The following PLXNA4 variants were observed in gnomAD, a reference collection of about 807,000 sequenced individuals.
The protein encoded by PLXNA4 is plexin A4, also known as plexin-A4.
In PLXNA4, 44 loss-of-function variants were observed where a neutral mutation model predicts 191.8. The ratio of observed to expected loss-of-function variants is 0.23; its 90% CI spans 0.18 to 0.29. PLXNA4 has a LOEUF of 0.29. PLXNA4 is among the 10% of genes least tolerant of loss of function. PLXNA4 has a pLI of 1.00. For synonymous variants in PLXNA4, 1,082 were observed against 1,009.5 expected (o/e 1.07, Z -1.36); for missense variants, 1,800 against 2,488.8 (o/e 0.72, Z 5.89).
chr7:132,408,124 A>G (rs1366739526), intron 3 of PLXNA4, among the ~76,000 whole-genome samples: 2 of 152,198 alleles, frequency 1.3e-5, no homozygotes, highest in African/African-American at 4.8e-5. Flanking sequence ...AATATAAAAC[A>G]GTAGGAGAGT....
chr7:132,236,186 T>C (rs1798694487), intron 5 of PLXNA4, among the ~76,000 whole-genome samples: 2 of 152,200 alleles, frequency 1.3e-5, no homozygotes, highest in Admixed American at 6.5e-5. Flanking sequence ...AAACAGCCCA[T>C]TCAGCCACAT....
At chr7:132,561,999 GCCTCCTCCTCCTACT>G (rs1801155770) in intron 1 of PLXNA4, among the ~76,000 whole-genome samples, 1 of 50,920 alleles carries the variant, frequency 2.0e-5, no homozygotes. Context: ...TTCTTTCTCT[GCCTCCTCCTCCTACT>G]CCTCCTCCTC....
At chr7:132,135,675 T>A (rs1795090986) in intron 30 of PLXNA4, among the ~76,000 whole-genome samples, 1 of 152,156 alleles carries the variant, frequency 6.6e-6, no homozygotes, top group African/African-American at 2.4e-5. Context: ...TATGTGTGTG[T>A]GAGAAAGACA....
chr7:132,380,295 G>A (rs1252931887), intron 3 of PLXNA4, among the ~76,000 whole-genome samples: 1 of 152,142 alleles, frequency 6.6e-6, no homozygotes, highest in Non-Finnish European at 1.5e-5. Context: ...GCAGCACCAG[G>A]CCCTGGTGGT....
chr7:132,269,653 C>CA (rs1018453853), intron 4 of PLXNA4, among the ~76,000 whole-genome samples: 2 of 150,898 alleles, frequency 1.3e-5, no homozygotes, highest in African/African-American at 4.9e-5. Flanking sequence ...TTTTTTCTGC[C>CA]AAAAAAAGAT....
intron 3 of PLXNA4, among the ~76,000 whole-genome samples, chr7:132,349,960 G>A (rs998376349): frequency 6.6e-6 from 1 of 151,958 alleles, no homozygotes; most frequent in Non-Finnish European, 1.5e-5. Flanking sequence ...CAAAAATGGA[G>A]GCATACACAT....
At chr7:132,191,771 C>CCTCTCTCTCTCTCTCTCTCTCTCTCTCT (rs1562910874) in intron 14 of PLXNA4, among the ~76,000 whole-genome samples, 4 of 40,746 alleles carry the variant, frequency 9.8e-5, no homozygotes, top group African/African-American at 3.8e-4. Context: ...CTCCTCTCTC[C>CCTCTCTCTCTCTCTCTCTCTCTCTCTCT]ATCTCTCTCT....
chr7:132,610,742 T>C (rs1238606901), intron 2 of PLXNA4, among the ~76,000 whole-genome samples: 1 of 152,198 alleles, frequency 6.6e-6, no homozygotes, highest in African/African-American at 2.4e-5. Context: ...TCCTTTCCAT[T>C]CATTTGCCTA....
At chr7:132,284,970 C>T (rs1358881963) in intron 4 of PLXNA4, among the ~76,000 whole-genome samples, 1 of 152,126 alleles carries the variant, frequency 6.6e-6, no homozygotes, top group Non-Finnish European at 1.5e-5. Flanking sequence ...CCACCTCAGC[C>T]TCCCAAAGTG....
rs747385813 is a variant in PLXNA4 at position 132,393,190 on chromosome 7, AC to A, written c.1372-94969del. ...TCTATCAGCAACATTGACCCCCAACACCCCCCCCCACCACCACCACCACTGA... is the reference window on the plus strand; with the variant it reads ...TCTATCAGCAACATTGACCCCCAACACCCCCCCCACCACCACCACCACTGA... On this transcript the variant is annotated intron_variant, in intron 3 of 31. Transcript: ENST00000321063. Among the ~76,000 whole-genome samples the A allele has an allele frequency of 3.4e-4, 32 of 95,170 alleles. 1 individual carries two copies. Among genetic ancestry groups the A allele is most frequent in the East Asian group, 5.5e-4 (2 of 3,638 alleles). The allele number at this position is 95,170 out of a possible 152,430, so 62.4% of individuals were successfully genotyped here.
At chr7:132,438,581 C>CA (rs1307285936) in intron 3 of PLXNA4, among the ~76,000 whole-genome samples, 1 of 152,164 alleles carries the variant, frequency 6.6e-6, no homozygotes, top group African/African-American at 2.4e-5. Context: ...ATTAGTCTAA[C>CA]ATATATTTAA....
chr7:132,447,536 T>C (rs960386287), intron 3 of PLXNA4, among the ~76,000 whole-genome samples: 4 of 152,200 alleles, frequency 2.6e-5, no homozygotes, highest in African/African-American at 7.2e-5. Flanking sequence ...TGGGATACCA[T>C]GTTACAAACA....
intron 2 of PLXNA4, among the ~76,000 whole-genome samples, chr7:132,500,729 G>T (rs115274386): frequency 6.6e-6 from 1 of 152,296 alleles, no homozygotes; most frequent in African/African-American, 2.4e-5. Context: ...AGTGTCCTAT[G>T]AATATAAGGG....
At chr7:132,587,417 T>C (rs1802522442) in intron 2 of PLXNA4, among the ~76,000 whole-genome samples, 1 of 152,334 alleles carries the variant, frequency 6.6e-6, no homozygotes, top group South Asian at 2.1e-4. Context: ...AAAAATAAAT[T>C]GTCTTGAGTG....
chr7:132,356,363 G>A (rs1803706236), intron 3 of PLXNA4, among the ~76,000 whole-genome samples: 1 of 152,208 alleles, frequency 6.6e-6, no homozygotes, highest in Non-Finnish European at 1.5e-5. Context: ...TATAACCACA[G>A]TAAACATTGC....
intron 3 of PLXNA4, among the ~76,000 whole-genome samples, chr7:132,318,322 C>G (rs1209489428): frequency 5.3e-5 from 8 of 152,220 alleles, no homozygotes; most frequent in Non-Finnish European, 1.0e-4. Flanking sequence ...AAAGGGGAAA[C>G]TGAGGCAGAA....
At chr7:132,146,454 T>G in intron 28 of PLXNA4, 56 bp downstream of exon 28, 2 of 1,614,034 alleles carry the variant, frequency 1.2e-6, no homozygotes, top group South Asian at 1.1e-5. Flanking sequence ...TGTGGGCTGA[T>G]GAAGTCCCTC....
chr7:132,540,689 G>T (rs982931318), intron 1 of PLXNA4, among the ~76,000 whole-genome samples: 1 of 143,024 alleles, frequency 7.0e-6, no homozygotes, highest in African/African-American at 2.6e-5. Flanking sequence ...CCGGGTTCAC[G>T]CCATTCTCCT....
rs552827108 is a variant in PLXNA4, at chr7:132,446,491, G to A, written c.1371+42801C>T. Among the ~76,000 whole-genome samples the A allele has an allele frequency of 4.7e-4, 71 of 152,268 alleles. 1 individual carries two copies. The highest frequency in any genetic ancestry group is 1.5e-3 in the African/African-American group (62 of 41,552). ...GAGCCCAGAGAAGAAACCTGGTAAA[G>A]GTTTTCAAATGGCCCAGCTGCCCAG... is the stretch of plus-strand genomic sequence containing the variant. On this transcript the variant is annotated intron_variant, in intron 3 of 31. Transcript: ENST00000321063.
Sources: allele counts gnomAD v4.1 joint callset (sites outside exome capture counted in the v4.1 genomes callset), GRCh38; gene constraint gnomAD v4.1.1; transcripts MANE v1.5; gene names NCBI Gene and HGNC (gene_info 2026-07-23, HGNC 2026-07-21).